Variants in VAPB observed in about 807,000 individuals in gnomAD.
VAPB encodes the protein VAMP associated protein B and C.
Under a neutral mutation model 25.6 loss-of-function variants are expected in VAPB, and 7 were observed. That is an observed-to-expected ratio of 0.27 (90% CI 0.16 to 0.51). The LOEUF (loss-of-function observed/expected upper bound fraction) is 0.51. Among genes scored for constraint, VAPB ranks in the 20% least tolerant of loss-of-function variants. The pLI, the probability that VAPB is intolerant of heterozygous loss-of-function variation, is 0.97. For synonymous variants in VAPB, 112 were observed against 109.2 expected (o/e 1.03, Z -0.16); for missense variants, 266 against 301.3 (o/e 0.88, Z 0.87).
chr20:58,441,183 T>C (rs1989153164), intron 5 of VAPB, 100 bp downstream of exon 5: 1 of 1,353,518 alleles, frequency 7.4e-7, no homozygotes, highest in Admixed American at 2.0e-5. Flanking sequence ...AGATTTCTTT[T>C]TGCTTTTGGT....
At chr20:58,434,309 G>A (rs1409843890) in intron 2 of VAPB, among the ~76,000 whole-genome samples, 2 of 152,190 alleles carry the variant, frequency 1.3e-5, no homozygotes, top group African/African-American at 4.8e-5. Context: ...TGTAAGGCCT[G>A]TAGCAGACAT....
At chr20:58,404,521 G>A (rs1694180378) in intron 1 of VAPB, among the ~76,000 whole-genome samples, 1 of 152,138 alleles carries the variant, frequency 6.6e-6, no homozygotes, top group Admixed American at 6.5e-5. Context: ...TACAGTGTTC[G>A]ATGCAGTTAG....
chr20:58,449,846 G>A lies in VAPB; in HGVS notation c.*5611G>A, dbSNP rs1989394506. 2.2e-6 allele frequency: 1 copy of A among 454,098 alleles called. No individual in the cohort carries two copies. The highest frequency in any genetic ancestry group is 4.4e-6 in the Non-Finnish European group (1 of 226,782). 28.1% of individuals were successfully genotyped at this position (454,098 alleles called of 1,614,324 possible). ...TTGCATTCTGATGAGCTGCAGGAGT[G>A]CGCCTGGCCTTCTGCAGGTGGAGCT... On this transcript the variant is annotated 3_prime_UTR_variant, in exon 6 of 6. Transcript: ENST00000475243.
chr20:58,413,831 C>T (rs1475854803), intron 1 of VAPB, among the ~76,000 whole-genome samples: 4 of 132,466 alleles, frequency 3.0e-5, no homozygotes, highest in East Asian at 2.4e-4. Context: ...GGGCTGACCC[C>T]GCCACCTCCC....
At chr20:58,394,743 G>GA (rs1289155574) in intron 1 of VAPB, among the ~76,000 whole-genome samples, 1 of 152,138 alleles carries the variant, frequency 6.6e-6, no homozygotes, top group African/African-American at 2.4e-5. Flanking sequence ...CTCCTTAGGG[G>GA]AAAAAATGTA....
At chr20:58,400,120 A>G (rs1988061660) in intron 1 of VAPB, among the ~76,000 whole-genome samples, 1 of 152,196 alleles carries the variant, frequency 6.6e-6, no homozygotes, top group Non-Finnish European at 1.5e-5. Context: ...CGGGTCTTAC[A>G]GCCTCCCAAG....
At chr20:58,434,184 TC>T in intron 2 of VAPB, among the ~76,000 whole-genome samples, 1 of 152,370 alleles carries the variant, frequency 6.6e-6, no homozygotes, top group South Asian at 2.1e-4. Context: ...CTACAACAGT[TC>T]CTTAAATGTT....
intron 2 of VAPB, among the ~76,000 whole-genome samples, chr20:58,429,456 C>T (rs1469005141): frequency 1.3e-5 from 2 of 152,212 alleles, no homozygotes; most frequent in Non-Finnish European, 2.9e-5. Flanking sequence ...TGAAATGGTC[C>T]TTCCATGTCT....
In VAPB at chr20:58,449,688, C is replaced by T. The variant is rs1268822756; in HGVS notation, c.*5453C>T. 7 of 453,898 alleles carry T rather than the reference C, an allele frequency of 1.5e-5. No homozygotes were observed. Among genetic ancestry groups the T allele is most frequent in the Non-Finnish European group, 2.6e-5 (6 of 226,768 alleles). 28.1% of individuals were successfully genotyped at this position (453,898 alleles called of 1,614,324 possible). ...TAAATGCTGATGTTTATTTTTAAAC[C>T]AGGAAACATTGATCCTGTAACAATG... On this transcript the variant is annotated 3_prime_UTR_variant, in exon 6 of 6. Transcript: ENST00000475243.
rs1006088738 is a variant in VAPB, at chr20:58,448,439, T to G, written c.*4204T>G. 1.3e-4 allele frequency: 61 copies of G among 454,020 alleles called. No homozygotes were observed. The highest frequency in any genetic ancestry group is 2.2e-5 in the Non-Finnish European group (5 of 226,796). 28.1% of individuals were successfully genotyped at this position (454,020 alleles called of 1,614,324 possible). A position where few individuals can be genotyped will look rare whatever the true frequency, so the allele number is the denominator to read the frequency against. On this transcript the variant is annotated 3_prime_UTR_variant, in exon 6 of 6. Coordinates refer to ENST00000475243, the MANE Select transcript of VAPB (RefSeq NM_004738.5). ...CCTGTATAGAACATTTCCAATACAT[T>G]CGCTCATTGAACTTAATCCTTGCAA... is the stretch of plus-strand genomic sequence containing the variant.
At chr20:58,434,188 T>C (rs992508707) in intron 2 of VAPB, among the ~76,000 whole-genome samples, 1 of 152,278 alleles carries the variant, frequency 6.6e-6, no homozygotes, top group African/African-American at 2.4e-5. Context: ...AACAGTTCCT[T>C]AAATGTTCTT....
Position 58,389,517 on chromosome 20 carries a change from G to C in VAPB, c.58G>C (p.Gly20Arg). 6.3e-7 allele frequency: 1 copy of C among 1,587,104 alleles called. No individual in the cohort carries two copies. Among genetic ancestry groups the C allele is most frequent in the Non-Finnish European group, 8.6e-7 (1 of 1,167,864 alleles). Residue 20 changes from glycine (G) to arginine (R), a missense_variant and splice_region_variant, in exon 1 of 6, where the codon GGT (glycine) becomes CGT (arginine). Gly to Arg is a moderately radical substitution (Grantham distance 125). Around this residue, in one of 3 missense-constraint regions of VAPB, gnomAD observed 32 missense variants for 23.5 expected, o/e 1.36. Coordinates refer to ENST00000475243, the MANE Select transcript of VAPB (RefSeq NM_004738.5). ...LEPQHELKFR[G>R]PFTDVVTTNL... The stretch of plus-strand genomic sequence containing the variant: ...GCCGCAGCACGAGCTCAAATTCCGA[G>C]GTAAGCCCCAGAGGCCGCCACCTTC...
intron 2 of VAPB, among the ~76,000 whole-genome samples, chr20:58,421,162 A>G (rs1470918547): frequency 2.0e-5 from 3 of 152,188 alleles, no homozygotes; most frequent in Non-Finnish European, 4.4e-5. Flanking sequence ...CTGAATTTTG[A>G]CCAACCTATT....
At chr20:58,420,500 A>C (rs1262797784) in intron 2 of VAPB, among the ~76,000 whole-genome samples, 1 of 152,152 alleles carries the variant, frequency 6.6e-6, no homozygotes, top group East Asian at 1.9e-4. Flanking sequence ...CTGCTATTTG[A>C]AGCTAGTGGC....
Position 58,449,566 on chromosome 20 carries a change from T to C in VAPB, c.*5331T>C, listed in dbSNP as rs1323207545. The C allele has an allele frequency of 1.3e-5, 6 of 454,024 alleles. No individual in the cohort carries two copies. The highest frequency in any genetic ancestry group is 4.7e-5 in the Admixed American group (2 of 42,568). 28.1% of individuals were successfully genotyped at this position (454,024 alleles called of 1,614,324 possible). ...AACTTGCCATAAATATTTGCAGTTATGATACCTTGGAATGTTGCCACGATA... is the reference window on the plus strand; with the variant it reads ...AACTTGCCATAAATATTTGCAGTTACGATACCTTGGAATGTTGCCACGATA... On this transcript the variant is annotated 3_prime_UTR_variant, in exon 6 of 6. Coordinates refer to ENST00000475243, the MANE Select transcript of VAPB (RefSeq NM_004738.5).
chr20:58,417,719 G>T (rs996364064), intron 1 of VAPB, among the ~76,000 whole-genome samples: 1 of 152,138 alleles, frequency 6.6e-6, no homozygotes, highest in Non-Finnish European at 1.5e-5. Flanking sequence ...TCTTCCATCT[G>T]CTCCTCTTGG....
chr20:58,403,103 A>G (rs1176232770), intron 1 of VAPB, among the ~76,000 whole-genome samples: 2 of 152,222 alleles, frequency 1.3e-5, no homozygotes, highest in Non-Finnish European at 2.9e-5. Flanking sequence ...CGTTATGTAC[A>G]GCCGATCGAT....
chr20:58,390,667 C>G (rs748272622), intron 1 of VAPB, among the ~76,000 whole-genome samples: 1 of 152,170 alleles, frequency 6.6e-6, no homozygotes. Context: ...TCCACTATAT[C>G]GCTAGCACCG....
rs1031518682 is a variant in VAPB at position 58,446,613 on chromosome 20, G to A, written c.*2378G>A. 1.1e-5 allele frequency: 5 copies of A among 454,014 alleles called. No homozygotes were observed. The highest frequency in any genetic ancestry group is 1.8e-5 in the Non-Finnish European group (4 of 226,802). 28.1% of individuals were successfully genotyped at this position (454,014 alleles called of 1,614,324 possible). On this transcript the variant is annotated 3_prime_UTR_variant, in exon 6 of 6. Transcript: ENST00000475243. ...GTTTTGTGTACATCTAGGAGAAGGT[G>A]TTCAGCTTCTCAGAGGATGTGGACA...
Sources: gnomAD v4.1 joint callset for allele counts (sites outside exome capture counted in the v4.1 genomes callset) on GRCh38, gnomAD v4.1.1 for gene constraint, gnomAD v4.1.1 regional missense constraint, MANE v1.5 for transcripts, NCBI Gene and HGNC (gene_info 2026-07-23, HGNC 2026-07-21) for gene names.